Variants in ITPR2 observed in about 807,000 individuals in gnomAD.
ITPR2 encodes inositol 1,4,5-trisphosphate-gated calcium channel ITPR2.
A neutral mutation model predicts 317.1 loss-of-function variants in ITPR2; 207 were observed. The ratio of observed to expected loss-of-function variants is 0.65; its 90% CI spans 0.58 to 0.73. The LOEUF (loss-of-function observed/expected upper bound fraction) is 0.73. Among genes scored for constraint, ITPR2 ranks in the 30% least tolerant of loss-of-function variants. The probability of loss-of-function intolerance (pLI) is 0.00; values close to 1 mark genes in which losing one functional copy is unlikely to be tolerated. For missense variants in ITPR2, 2,613 were observed against 3,284.0 expected, an observed-to-expected ratio of 0.80 and a Z score of 4.99; for synonymous variants, 1,156 against 1,149.1, an observed-to-expected ratio of 1.01 and a Z score of -0.12.
chr12:26,806,765 C>T (rs1185731648), intron 1 of ITPR2, among the ~76,000 whole-genome samples: 3 of 152,142 alleles, frequency 2.0e-5, no homozygotes, highest in Non-Finnish European at 4.4e-5. Context: ...GTCTCAAGCA[C>T]GTTTGCTCAA....
chr12:26,528,909 T>C (rs1281287996), intron 37 of ITPR2, among the ~76,000 whole-genome samples: 3 of 152,334 alleles, frequency 2.0e-5, no homozygotes, highest in Admixed American at 6.5e-5. Flanking sequence ...CAGTTACTCA[T>C]GCCGCAATCC....
intron 2 of ITPR2, among the ~76,000 whole-genome samples, chr12:26,741,399 T>C (rs537107305): frequency 7.2e-5 from 11 of 152,390 alleles, no homozygotes; most frequent in African/African-American, 2.6e-4. Flanking sequence ...GTGCTGATAA[T>C]TCTTACCTCC....
chr12:26,744,653 G>A (rs991232231), intron 2 of ITPR2, among the ~76,000 whole-genome samples: 17 of 152,164 alleles, frequency 1.1e-4, no homozygotes, highest in African/African-American at 3.4e-4. Flanking sequence ...TCCTGAATAT[G>A]GAATGAAATC....
At chr12:26,650,274 G>T (rs948868993) in intron 21 of ITPR2, among the ~76,000 whole-genome samples, 2 of 152,204 alleles carry the variant, frequency 1.3e-5, no homozygotes, top group African/African-American at 4.8e-5. Flanking sequence ...GCAGTTGCCA[G>T]GGGATGGTGA....
In ITPR2 at chr12:26,357,880, G is replaced by A. The variant is rs552386385; in HGVS notation, c.7858-17552C>T. ...GGGGAAGGGTGACCTTGGTGGCAAA[G>A]GTGAGGAAGCTGCAGGGCGGCTAGC... On this transcript the variant is annotated intron_variant, in intron 55 of 56. Coordinates refer to ENST00000381340, the MANE Select transcript of ITPR2 (RefSeq NM_002223.4). Among the ~76,000 whole-genome samples the A allele has an allele frequency of 1.4e-4, 22 of 152,370 alleles. No individual in the cohort carries two copies. The South Asian group carries it at 3.3e-3, about 23-fold the overall frequency.
intron 56 of ITPR2, 55 bp downstream of exon 56, chr12:26,340,112 C>T (rs1319076885): frequency 4.7e-6 from 7 of 1,494,756 alleles, no homozygotes; most frequent in East Asian, 4.7e-5. Context: ...CTCCCCTCAC[C>T]GGAAGTGGTG....
At chr12:26,494,424 T>A in intron 38 of ITPR2, 84 bp from the exon 39 acceptor site, 1 of 859,640 alleles carries the variant, frequency 1.2e-6, no homozygotes, top group Non-Finnish European at 1.7e-6. Flanking sequence ...AATTTTATTA[T>A]TTTAATAAAA....
intron 35 of ITPR2, among the ~76,000 whole-genome samples, chr12:26,558,603 C>T (rs1369271193): frequency 6.6e-6 from 1 of 152,226 alleles, no homozygotes; most frequent in African/African-American, 2.4e-5. Context: ...CTCTTGACTT[C>T]TATGACATCA....
At chr12:26,751,073 CCAAA>C (rs759985341) in intron 2 of ITPR2, among the ~76,000 whole-genome samples, 29 of 152,130 alleles carry the variant, frequency 1.9e-4, no homozygotes, top group East Asian at 9.7e-4. Context: ...AGGGGAGTAC[CCAAA>C]CAATCTACTA....
At chr12:26,482,261 A>G (rs1942558908) in intron 42 of ITPR2, among the ~76,000 whole-genome samples, 1 of 152,212 alleles carries the variant, frequency 6.6e-6, no homozygotes, top group Admixed American at 6.5e-5. Context: ...TTTGCAGATC[A>G]TCTCCAGAAT....
chr12:26,754,056 G>A (rs902592308), intron 2 of ITPR2, among the ~76,000 whole-genome samples: 1 of 151,992 alleles, frequency 6.6e-6, no homozygotes, highest in Non-Finnish European at 1.5e-5. Flanking sequence ...TTGATTAATT[G>A]GTTTAATAAT....
chr12:26,650,352 G>C (rs371109461), intron 21 of ITPR2, among the ~76,000 whole-genome samples: 1 of 152,098 alleles, frequency 6.6e-6, no homozygotes, highest in Non-Finnish European at 1.5e-5. Context: ...GATGCTGTAC[G>C]ATACTATAAT....
chr12:26,418,291 T>C (rs996633742), intron 50 of ITPR2, among the ~76,000 whole-genome samples: 1 of 152,188 alleles, frequency 6.6e-6, no homozygotes, highest in Non-Finnish European at 1.5e-5. Flanking sequence ...TGCTCTCCAC[T>C]GCATGCCAAC....
intron 2 of ITPR2, among the ~76,000 whole-genome samples, chr12:26,758,432 T>C (rs538752785): frequency 4.6e-5 from 7 of 152,244 alleles, no homozygotes; most frequent in Non-Finnish European, 1.0e-4. Context: ...TCAGGATCAA[T>C]GGCAGGATTA....
intron 30 of ITPR2, among the ~76,000 whole-genome samples, chr12:26,597,366 G>C (rs1272261859): frequency 6.6e-6 from 1 of 152,060 alleles, no homozygotes; most frequent in Non-Finnish European, 1.5e-5. Flanking sequence ...CAGCAGATAG[G>C]GCAAGAATGA....
intron 37 of ITPR2, among the ~76,000 whole-genome samples, chr12:26,538,854 C>T (rs143261070): frequency 0.015 from 2,313 of 152,232 alleles, 54 homozygotes; most frequent in African/African-American, 0.051. Flanking sequence ...GGATTACAGG[C>T]GTGAGCCACT....
chr12:26,663,332 C>T (rs972289024), intron 15 of ITPR2, among the ~76,000 whole-genome samples: 4 of 152,184 alleles, frequency 2.6e-5, no homozygotes, highest in African/African-American at 9.7e-5. Flanking sequence ...ACTATAACCT[C>T]TTTGGTCCAT....
At chr12:26,372,146 C>T (rs546480368) in intron 55 of ITPR2, among the ~76,000 whole-genome samples, 3 of 152,292 alleles carry the variant, frequency 2.0e-5, no homozygotes, top group South Asian at 4.1e-4. Context: ...CATCTTAGCT[C>T]ATCAAATATT....
At chr12:26,614,167 A>G (rs1247041473) in intron 26 of ITPR2, among the ~76,000 whole-genome samples, 1 of 152,134 alleles carries the variant, frequency 6.6e-6, no homozygotes, top group African/African-American at 2.4e-5. Flanking sequence ...AAAAGAAAGG[A>G]CAACTCCCAG....
Sources: gnomAD v4.1 joint callset for allele counts (sites outside exome capture counted in the v4.1 genomes callset) on GRCh38, gnomAD v4.1.1 for gene constraint, MANE v1.5 for transcripts, NCBI Gene and HGNC (gene_info 2026-07-23, HGNC 2026-07-21) for gene names.